ADAMTSL3: variants seen among roughly 807,000 people sequenced by gnomAD.
The protein encoded by ADAMTSL3 is ADAMTS like 3.
A neutral mutation model predicts 201.7 loss-of-function variants in ADAMTSL3; 128 were observed. That is an observed-to-expected ratio of 0.63 (90% CI 0.55 to 0.73). The LOEUF is 0.73. Among genes scored for constraint, ADAMTSL3 ranks in the 30% least tolerant of loss-of-function variants. ADAMTSL3 has a pLI of 0.00. For synonymous variants in ADAMTSL3, 738 were observed against 748.4 expected (o/e 0.99, Z 0.23); for missense variants, 1,990 against 2,119.6 (o/e 0.94, Z 1.20).
At chr15:84,032,091 T>C (rs532946873) in intron 28 of ADAMTSL3, among the ~76,000 whole-genome samples, 16 of 152,326 alleles carry the variant, frequency 1.1e-4, no homozygotes, top group African/African-American at 3.6e-4. Context: ...AATCGGGGGC[T>C]TGGGAGTTCT....
chr15:83,838,030 A>T, intron 6 of ADAMTSL3, 59 bp from the exon 7 acceptor site: 1 of 1,567,362 alleles, frequency 6.4e-7, no homozygotes, highest in East Asian at 2.3e-5. Context: ...TCCTGAAATG[A>T]AGAGAGCTCC....
Position 83,729,105 on chromosome 15 carries a change from A to C in ADAMTSL3, c.189+24597A>C, listed in dbSNP as rs543553568. Among the ~76,000 whole-genome samples, 90 of 152,112 alleles carry C rather than the reference A, an allele frequency of 5.9e-4. No homozygotes were observed. In the South Asian group the frequency reaches 0.017, roughly 28 times the overall value. On this transcript the variant is annotated intron_variant, in intron 3 of 29. Coordinates refer to ENST00000286744, the MANE Select transcript of ADAMTSL3 (RefSeq NM_207517.3). ...CTCTCTCCTGGCCTGTAAATTTTCC[A>C]CTGAGGAGGCTGCTGCCAGATATAT... is the stretch of plus-strand genomic sequence containing the variant.
At chr15:83,884,554 T>C (rs2141867913) in intron 9 of ADAMTSL3, among the ~76,000 whole-genome samples, 1 of 151,482 alleles carries the variant, frequency 6.6e-6, no homozygotes, top group East Asian at 2.0e-4. Flanking sequence ...AGATTACAGG[T>C]GTGAGCCACC....
chr15:83,936,518 G>T (rs187533039), intron 17 of ADAMTSL3, among the ~76,000 whole-genome samples: 430 of 150,928 alleles, frequency 2.8e-3, no homozygotes, highest in Non-Finnish European at 4.4e-3. Context: ...CTGAACAACT[G>T]TAGACTTTTG....
At chr15:83,970,063 A>G (rs1443991757) in intron 19 of ADAMTSL3, among the ~76,000 whole-genome samples, 10 of 152,314 alleles carry the variant, frequency 6.6e-5, no homozygotes, top group Admixed American at 2.6e-4. Flanking sequence ...TTGTATATCA[A>G]TTATACCTCA....
intron 5 of ADAMTSL3, among the ~76,000 whole-genome samples, chr15:83,815,382 C>T (rs2063756984): frequency 6.6e-6 from 1 of 152,210 alleles, no homozygotes; most frequent in Non-Finnish European, 1.5e-5. Flanking sequence ...ATAACAAGCT[C>T]ATTGAATGAC....
At position 83,910,828 on chromosome 15, in the gene ADAMTSL3, C is replaced by T. The variant is rs796478634; in HGVS notation, c.1701-2264C>T. On this transcript the variant is annotated intron_variant, in intron 15 of 29. Transcript: ENST00000286744. ...TTTTTTTTTTTTTTTTAAGTAGAGA[C>T]GGAGTTTCGCCATGTTGGCCAGGCT... Among the ~76,000 whole-genome samples the T allele has an allele frequency of 7.4e-5, 11 of 149,148 alleles. 1 individual carries two copies. The highest frequency in any genetic ancestry group is 2.0e-4 in the East Asian group (1 of 5,060).
chr15:84,014,518 G>A, intron 23 of ADAMTSL3, 24 bp from the exon 24 acceptor site: 1 of 1,605,128 alleles, frequency 6.2e-7, no homozygotes, highest in East Asian at 2.2e-5. Context: ...AATTGCCTTT[G>A]TCATATTTGT....
At position 83,851,247 on chromosome 15, in the gene ADAMTSL3, G is replaced by C. The variant is rs115072560; in HGVS notation, c.728-7519G>C. On this transcript the variant is annotated intron_variant, in intron 7 of 29. Coordinates refer to ENST00000286744, the MANE Select transcript of ADAMTSL3 (RefSeq NM_207517.3). ...GTTTAGGAGATGATCCTTATAGGCT[G>C]CTCCTTGTTCTTAGCTTTGCCTGGG... Among the ~76,000 whole-genome samples, 991 of 152,282 alleles carry C rather than the reference G, an allele frequency of 6.5e-3. 7 individuals carry two copies. The highest frequency in any genetic ancestry group is 0.022 in the African/African-American group (920 of 41,546).
rs1567280204 is a variant in ADAMTSL3 at position 83,982,416 on chromosome 15, G to GT, written c.2789dup (p.Ile931AspfsTer3). ...AGCCTATTTGCTGCCCAACACATCC[G>GT]TGATTATTAAGTGCCCCGTGCGACG... On this transcript the variant is annotated frameshift_variant, in exon 21 of 30. Coordinates refer to ENST00000286744, the MANE Select transcript of ADAMTSL3 (RefSeq NM_207517.3). LOFTEE classifies it high-confidence loss of function. 1.1e-5 allele frequency: 17 copies of GT among 1,614,110 alleles called. No individual in the cohort carries two copies. Among genetic ancestry groups the GT allele is most frequent in the Non-Finnish European group, 1.4e-5 (16 of 1,180,020 alleles).
At chr15:83,759,030 G>T (rs1034438963) in intron 3 of ADAMTSL3, among the ~76,000 whole-genome samples, 1 of 152,150 alleles carries the variant, frequency 6.6e-6, no homozygotes, top group South Asian at 2.1e-4. Flanking sequence ...TTGCTGTGGA[G>T]AAGGCAGACC....
At chr15:83,717,909 G>T (rs1021593785) in intron 3 of ADAMTSL3, among the ~76,000 whole-genome samples, 4 of 152,134 alleles carry the variant, frequency 2.6e-5, no homozygotes, top group African/African-American at 7.2e-5. Flanking sequence ...CTGCTGTGTG[G>T]GTGATGTGAG....
At chr15:83,829,138 T>C (rs1025214192) in intron 6 of ADAMTSL3, among the ~76,000 whole-genome samples, 1 of 152,248 alleles carries the variant, frequency 6.6e-6, no homozygotes, top group African/African-American at 2.4e-5. Context: ...AGAATTCGGC[T>C]GTGAATCCAT....
chr15:84,037,656 C>A, intron 29 of ADAMTSL3, 44 bp from the exon 30 acceptor site: 1 of 1,506,906 alleles, frequency 6.6e-7, no homozygotes, highest in Non-Finnish European at 8.9e-7. Flanking sequence ...TTAATTAGGT[C>A]TCTAATAAGC....
intron 3 of ADAMTSL3, among the ~76,000 whole-genome samples, chr15:83,714,857 C>T (rs1281633707): frequency 3.1e-4 from 12 of 38,120 alleles, no homozygotes; most frequent in Admixed American, 1.0e-3. Context: ...TCTTTCCCTC[C>T]CTCCCTCCCT....
chr15:83,822,188 C>G (rs1341200043), intron 6 of ADAMTSL3, among the ~76,000 whole-genome samples: 2 of 150,612 alleles, frequency 1.3e-5, no homozygotes, highest in African/African-American at 2.4e-5. Flanking sequence ...ACCCCCACCT[C>G]CCTCCCGGAC....
intron 15 of ADAMTSL3, among the ~76,000 whole-genome samples, chr15:83,903,084 T>A (rs8036748): frequency 0.61 from 92,908 of 151,632 alleles, 29,741 homozygotes; most frequent in African/African-American, 0.78. Context: ...CTTTAAAAAA[T>A]AATCAAAATA....
At chr15:83,904,900 T>C (rs2065805332) in intron 15 of ADAMTSL3, among the ~76,000 whole-genome samples, 2 of 152,232 alleles carry the variant, frequency 1.3e-5, no homozygotes, top group African/African-American at 4.8e-5. Context: ...AATGTCAAAT[T>C]AGGTGACATT....
intron 3 of ADAMTSL3, among the ~76,000 whole-genome samples, chr15:83,715,369 C>T (rs1198588057): frequency 6.6e-6 from 1 of 152,174 alleles, no homozygotes; most frequent in Non-Finnish European, 1.5e-5. Flanking sequence ...TAATACATGG[C>T]TACATACATG....
Sources: gnomAD v4.1 joint callset for allele counts (sites outside exome capture counted in the v4.1 genomes callset) on GRCh38, gnomAD v4.1.1 for gene constraint, MANE v1.5 for transcripts, NCBI Gene and HGNC (gene_info 2026-07-23, HGNC 2026-07-21) for gene names.